FMN2: variants seen among roughly 807,000 people sequenced by gnomAD.
FMN2 encodes formin-2.
In FMN2, 51 loss-of-function variants were observed where a neutral mutation model predicts 142.3. The observed-to-expected ratio is 0.36, with a 90% confidence interval of 0.29 to 0.45. The LOEUF is 0.45. Ranked by LOEUF, FMN2 falls within the 20% of genes least tolerant of loss-of-function variation. FMN2 has a pLI of 1.00. For synonymous variants in FMN2, 882 were observed against 869.8 expected (o/e 1.01, Z -0.25); for missense variants, 1,936 against 2,122.8 (o/e 0.91, Z 1.73).
At chr1:240,419,209 T>C (rs1038872137) in intron 15 of FMN2, among the ~76,000 whole-genome samples, 2 of 152,212 alleles carry the variant, frequency 1.3e-5, no homozygotes, top group Non-Finnish European at 2.9e-5. Context: ...TTTCAAATGC[T>C]TTCGTTTTAT....
intron 8 of FMN2, among the ~76,000 whole-genome samples, chr1:240,298,083 G>T (rs2102967638): frequency 6.6e-6 from 1 of 152,256 alleles, no homozygotes; most frequent in South Asian, 2.1e-4. Context: ...TGAGGGTGGG[G>T]CGTAAACATT....
intron 8 of FMN2, among the ~76,000 whole-genome samples, chr1:240,309,783 T>C (rs1037038772): frequency 6.6e-6 from 1 of 152,126 alleles, no homozygotes; most frequent in Non-Finnish European, 1.5e-5. Context: ...TTATCTCGGA[T>C]TCAGTTCTAG....
Position 240,092,142 on chromosome 1 carries a change from C to T in FMN2, c.33C>T (p.Ser11=). ...ACCAGGATGGGAAGCTGAAGAGGAGCGCAGGTGATGCTTTGCACGAAGGCG... is the reference window on the plus strand; with the variant it reads ...ACCAGGATGGGAAGCTGAAGAGGAGTGCAGGTGATGCTTTGCACGAAGGCG... MGNQDGKLKR[S]AGDALHEGGG... The change falls in exon 1 of 18, where the codon AGC becomes AGT. Residue 11 remains serine (S), a synonymous_variant. Coordinates refer to ENST00000319653, the MANE Select transcript of FMN2 (RefSeq NM_020066.5). 1.3e-6 allele frequency: 2 copies of T among 1,563,784 alleles called. No homozygotes were observed. Among genetic ancestry groups the T allele is most frequent in the Non-Finnish European group, 1.7e-6 (2 of 1,154,592 alleles).
chr1:240,451,932 A>C (rs1039553040), intron 16 of FMN2, among the ~76,000 whole-genome samples: 2 of 152,086 alleles, frequency 1.3e-5, no homozygotes, highest in Non-Finnish European at 2.9e-5. Context: ...AAAAAAACTT[A>C]AAATTCAGTT....
intron 16 of FMN2, among the ~76,000 whole-genome samples, chr1:240,445,757 G>A (rs1404839902): frequency 6.7e-6 from 1 of 149,562 alleles, no homozygotes; most frequent in Non-Finnish European, 1.5e-5. Flanking sequence ...GTAATGAGAA[G>A]ATTATTGGCT....
At chr1:240,201,870 G>A (rs1666138138) in intron 4 of FMN2, among the ~76,000 whole-genome samples, 1 of 152,158 alleles carries the variant, frequency 6.6e-6, no homozygotes, top group Non-Finnish European at 1.5e-5. Context: ...TTTATGGGAA[G>A]TTTGGAAGGT....
chr1:240,165,899 A>G (rs1242778393), intron 2 of FMN2, among the ~76,000 whole-genome samples: 1 of 152,014 alleles, frequency 6.6e-6, no homozygotes, highest in Non-Finnish European at 1.5e-5. Flanking sequence ...AGTCTCTCTT[A>G]GAGGTCAGGG....
chr1:240,373,725 G>A (rs974361152), intron 14 of FMN2, among the ~76,000 whole-genome samples: 8 of 152,088 alleles, frequency 5.3e-5, no homozygotes, highest in African/African-American at 1.7e-4. Context: ...TTTCCTCTGC[G>A]GAAGACTTGA....
rs531408825 is a variant in FMN2 at position 240,348,176 on chromosome 1, G to A, written c.4766-7640G>A. Among the ~76,000 whole-genome samples the A allele has an allele frequency of 1.1e-4, 17 of 150,982 alleles. No individual in the cohort carries two copies. The South Asian group carries it at 2.9e-3, about 26-fold the overall frequency. On this transcript the variant is annotated intron_variant, in intron 13 of 17. Coordinates refer to ENST00000319653, the MANE Select transcript of FMN2 (RefSeq NM_020066.5). ...TTACATCCTCATCAACAATGTATAA[G>A]CATTTCATTTCCTCTACAGCCTTGC... is the stretch of plus-strand genomic sequence containing the variant.
intron 3 of FMN2, among the ~76,000 whole-genome samples, chr1:240,181,469 T>A (rs144641672): frequency 1.3e-5 from 2 of 152,338 alleles, no homozygotes; most frequent in East Asian, 3.9e-4. Context: ...GTTTTCCTCC[T>A]TTATGGATTG....
At chr1:240,226,244 A>G (rs1395336891) in intron 6 of FMN2, among the ~76,000 whole-genome samples, 1 of 152,232 alleles carries the variant, frequency 6.6e-6, no homozygotes, top group African/African-American at 2.4e-5. Flanking sequence ...CCCCTATATC[A>G]TAGTCAAATT....
intron 3 of FMN2, among the ~76,000 whole-genome samples, chr1:240,182,162 A>C (rs1379662832): frequency 1.3e-5 from 2 of 152,232 alleles, no homozygotes; most frequent in Admixed American, 6.5e-5. Flanking sequence ...TTAGGGGCTC[A>C]ATACCAAGTT....
chr1:240,324,786 C>G (rs1426047360), intron 8 of FMN2, among the ~76,000 whole-genome samples: 3 of 147,098 alleles, frequency 2.0e-5, no homozygotes. Context: ...TATTTTAAAC[C>G]TTGCATCAAA....
chr1:240,188,244 C>T lies in FMN2; in HGVS notation c.1968C>T (p.Arg656=). 6.2e-7 allele frequency: 1 copy of T among 1,613,930 alleles called. No homozygotes were observed. Among genetic ancestry groups the T allele is most frequent in the East Asian group, 2.2e-5 (1 of 44,862 alleles). ...QSAVSETPQK[R]SDAVQKEVVD... ...CTGTTTCAGAAACTCCCCAAAAACG[C>T]TCAGATGCTGTCCAGAAGGTAAGAT... is the stretch of plus-strand genomic sequence containing the variant. The change falls in exon 4 of 18, where the codon CGC becomes CGT. Residue 656 remains arginine (R), a synonymous_variant. Transcript: ENST00000319653.
intron 14 of FMN2, among the ~76,000 whole-genome samples, chr1:240,360,940 G>A (rs930155728): frequency 3.3e-5 from 5 of 151,326 alleles, no homozygotes; most frequent in Non-Finnish European, 5.9e-5. Context: ...TTGGACACAG[G>A]AAGGGGAACA....
chr1:240,347,655 G>A (rs1475454337), intron 13 of FMN2, among the ~76,000 whole-genome samples: 1 of 152,162 alleles, frequency 6.6e-6, no homozygotes, highest in Non-Finnish European at 1.5e-5. Context: ...AGTAAGCATA[G>A]TACCCAACAG....
At chr1:240,112,184 T>C (rs183515352) in intron 1 of FMN2, among the ~76,000 whole-genome samples, 1 of 147,536 alleles carries the variant, frequency 6.8e-6, no homozygotes, top group Non-Finnish European at 1.5e-5. Flanking sequence ...CCAGCTAGAG[T>C]GCAGTGGTGT....
chr1:240,204,562 C>G lies in FMN2; in HGVS notation c.1987-2237C>G, dbSNP rs145286400. Among the ~76,000 whole-genome samples, 1,310 of 152,306 alleles carry G rather than the reference C, an allele frequency of 8.6e-3. 19 individuals carry two copies. Among genetic ancestry groups the G allele is most frequent in the African/African-American group, 0.03 (1,243 of 41,562 alleles). ...GGTCAGGAGTTTGAGGCCAGCCTGG[C>G]CAACGTGCTGAAACCCTGTCTTTAC... On this transcript the variant is annotated intron_variant, in intron 4 of 17. Transcript: ENST00000319653.
intron 1 of FMN2, among the ~76,000 whole-genome samples, chr1:240,104,467 A>G (rs1558297042): frequency 1.3e-5 from 2 of 152,170 alleles, no homozygotes; most frequent in African/African-American, 4.8e-5. Context: ...TCATCAGTCC[A>G]GGCAAAACTC....
Sources: gnomAD v4.1 joint callset for allele counts (sites outside exome capture counted in the v4.1 genomes callset) on GRCh38, gnomAD v4.1.1 for gene constraint, MANE v1.5 for transcripts, NCBI Gene and HGNC (gene_info 2026-07-23, HGNC 2026-07-21) for gene names.